The following MARCHF1 variants were observed in gnomAD, a reference collection of about 807,000 sequenced individuals.
MARCHF1 encodes the protein membrane associated ring-CH-type finger 1.
Under a neutral mutation model 54.2 loss-of-function variants are expected in MARCHF1, and 40 were observed. The observed-to-expected ratio is 0.74, with a 90% confidence interval of 0.57 to 0.96. The LOEUF (loss-of-function observed/expected upper bound fraction) is 0.96. MARCHF1 is among the 40% of genes least tolerant of loss of function. The pLI, the probability that MARCHF1 is intolerant of heterozygous loss-of-function variation, is 0.00. For synonymous variants in MARCHF1, 236 were observed against 236.3 expected, an observed-to-expected ratio of 1.00 and a Z score of 0.01; for missense variants, 586 against 656.5, an observed-to-expected ratio of 0.89 and a Z score of 1.17.
At chr4:164,198,819 G>A (rs900196068) in intron 1 of MARCHF1, among the ~76,000 whole-genome samples, 1 of 152,064 alleles carries the variant, frequency 6.6e-6, no homozygotes, top group African/African-American at 2.4e-5. Flanking sequence ...CAAAAGAGGG[G>A]CTCAAAAACC....
chr4:163,886,031 AT>A (rs1420084630), intron 3 of MARCHF1, among the ~76,000 whole-genome samples: 2 of 148,376 alleles, frequency 1.3e-5, no homozygotes, highest in African/African-American at 4.9e-5. Context: ...AAAAAAAAAA[AT>A]AGCCTGGTAT....
At chr4:164,011,715 G>T (rs571704240) in intron 2 of MARCHF1, among the ~76,000 whole-genome samples, 3 of 152,248 alleles carry the variant, frequency 2.0e-5, no homozygotes, top group South Asian at 4.1e-4. Context: ...CAGTATGAAG[G>T]TTCCCCCAAA....
At chr4:164,317,979 G>C (rs1735042803) in intron 1 of MARCHF1, among the ~76,000 whole-genome samples, 1 of 152,078 alleles carries the variant, frequency 6.6e-6, no homozygotes, top group African/African-American at 2.4e-5. Context: ...TTCAGGATTT[G>C]GTAACCAGTG....
chr4:164,349,490 G>A (rs146762757), intron 1 of MARCHF1, among the ~76,000 whole-genome samples: 6 of 152,140 alleles, frequency 3.9e-5, no homozygotes, highest in African/African-American at 9.6e-5. Context: ...AGAAAGGCTG[G>A]TGGTACTTTT....
At chr4:164,259,544 C>CA (rs141030578) in intron 1 of MARCHF1, among the ~76,000 whole-genome samples, 17,332 of 58,726 alleles carry the variant, frequency 0.3, 2,350 homozygotes, top group Non-Finnish European at 0.37. Context: ...GACCGTGTCT[C>CA]AAAAAAAAAA....
intron 1 of MARCHF1, among the ~76,000 whole-genome samples, chr4:164,363,339 G>T (rs1048904329): frequency 1.3e-5 from 2 of 152,146 alleles, no homozygotes; most frequent in Admixed American, 6.6e-5. Context: ...TTATCTTTCT[G>T]AGATAACTCT....
intron 2 of MARCHF1, among the ~76,000 whole-genome samples, chr4:164,076,386 T>C (rs182069045): frequency 6.6e-6 from 1 of 152,310 alleles, no homozygotes; most frequent in East Asian, 1.9e-4. Context: ...TGATGGAACG[T>C]ATCTCAAAAT....
At chr4:163,634,114 A>C (rs1234835634) in intron 5 of MARCHF1, among the ~76,000 whole-genome samples, 2 of 152,208 alleles carry the variant, frequency 1.3e-5, no homozygotes, top group African/African-American at 2.4e-5. Flanking sequence ...CATGGAAAGG[A>C]ACAACCGGTA....
intron 4 of MARCHF1, among the ~76,000 whole-genome samples, chr4:163,840,597 G>A (rs1441401548): frequency 1.3e-5 from 2 of 152,008 alleles, no homozygotes; most frequent in Non-Finnish European, 1.5e-5. Flanking sequence ...CTTACATATG[G>A]AATCTAAAAA....
intron 7 of MARCHF1, among the ~76,000 whole-genome samples, chr4:163,595,722 A>T (rs1395662002): frequency 6.6e-6 from 1 of 152,144 alleles, no homozygotes; most frequent in Non-Finnish European, 1.5e-5. Flanking sequence ...AGAAACAGGG[A>T]GTAGAATAGT....
At chr4:163,843,190 A>G (rs1006161147) in intron 4 of MARCHF1, among the ~76,000 whole-genome samples, 2 of 152,148 alleles carry the variant, frequency 1.3e-5, no homozygotes, top group Admixed American at 6.6e-5. Flanking sequence ...TGCAAAGGAC[A>G]TGATTTTATT....
chr4:163,840,509 C>T (rs1007512999), intron 4 of MARCHF1, among the ~76,000 whole-genome samples: 13 of 151,884 alleles, frequency 8.6e-5, no homozygotes, highest in Admixed American at 6.6e-5. Flanking sequence ...AGCATAGTAC[C>T]CAATAGTTTA....
intron 1 of MARCHF1, among the ~76,000 whole-genome samples, chr4:164,333,711 A>C (rs1033623077): frequency 6.6e-6 from 1 of 152,234 alleles, no homozygotes; most frequent in African/African-American, 2.4e-5. Flanking sequence ...TTTAAGAGAA[A>C]GGGTCACTGT....
intron 4 of MARCHF1, among the ~76,000 whole-genome samples, chr4:163,766,259 G>A (rs568842280): frequency 9.0e-4 from 137 of 152,056 alleles, no homozygotes; most frequent in African/African-American, 3.1e-3. Context: ...AAAATGAATA[G>A]GGTAAGCGTC....
chr4:163,722,479 T>G (rs571547312), intron 4 of MARCHF1, among the ~76,000 whole-genome samples: 1 of 152,328 alleles, frequency 6.6e-6, no homozygotes, highest in Non-Finnish European at 1.5e-5. Flanking sequence ...ATAAGTGCGA[T>G]GTGGTGCTGA....
chr4:163,807,640 A>G (rs959863932), intron 4 of MARCHF1, among the ~76,000 whole-genome samples: 11 of 152,180 alleles, frequency 7.2e-5, no homozygotes, highest in Non-Finnish European at 1.6e-4. Flanking sequence ...ATGAAAATTT[A>G]TAATGAACTT....
At chr4:163,608,753 A>C (rs1741224723) in intron 7 of MARCHF1, among the ~76,000 whole-genome samples, 1 of 151,988 alleles carries the variant, frequency 6.6e-6, no homozygotes, top group Admixed American at 6.6e-5. Context: ...AGGAACAGAA[A>C]AGGAAGAAGG....
intron 5 of MARCHF1, among the ~76,000 whole-genome samples, chr4:163,623,538 G>A (rs1251147464): frequency 6.6e-6 from 1 of 152,140 alleles, no homozygotes; most frequent in Non-Finnish European, 1.5e-5. Flanking sequence ...AAATGGGACG[G>A]CGTTAACACC....
At chr4:164,295,106 T>C (rs28757573) in intron 1 of MARCHF1, among the ~76,000 whole-genome samples, 11,297 of 152,028 alleles carry the variant, frequency 0.074, 482 homozygotes, top group Middle Eastern at 0.15. Context: ...AAAACCTAAA[T>C]GTGCTTTATA....
Sources: allele counts gnomAD v4.1 joint callset (sites outside exome capture counted in the v4.1 genomes callset), GRCh38; gene constraint gnomAD v4.1.1; transcripts MANE v1.5; gene names NCBI Gene and HGNC (gene_info 2026-07-23, HGNC 2026-07-21).